The following TRHDE variants were observed in gnomAD, a reference collection of about 807,000 sequenced individuals.
The protein encoded by TRHDE is thyrotropin-releasing hormone-degrading ectoenzyme.
Under a neutral mutation model 125.7 loss-of-function variants are expected in TRHDE, and 72 were observed. The observed-to-expected ratio is 0.57, with a 90% CI of 0.47 to 0.70. The LOEUF (loss-of-function observed/expected upper bound fraction) is 0.70, where lower values mean the gene tolerates loss of function less well. TRHDE is among the 30% of genes least tolerant of loss of function. The pLI, the probability that TRHDE is intolerant of heterozygous loss-of-function variation, is 0.00. For synonymous variants in TRHDE, 509 were observed against 509.1 expected (o/e 1.00, Z 0.00); for missense variants, 1,110 against 1,327.1 (o/e 0.84, Z 2.54).
At chr12:72,207,500 A>C (rs1379584734) in intron 2 of TRHDE, among the ~76,000 whole-genome samples, 8 of 152,224 alleles carry the variant, frequency 5.3e-5, no homozygotes, top group Admixed American at 5.2e-4. Context: ...CCTAATAAAA[A>C]GGACAGCAAC....
intron 3 of TRHDE, among the ~76,000 whole-genome samples, chr12:72,418,260 A>C (rs997449639): frequency 2.6e-5 from 4 of 152,062 alleles, no homozygotes; most frequent in Non-Finnish European, 4.4e-5. Context: ...GGCAGAATGT[A>C]AGGTAAATAT....
At chr12:72,289,190 C>T (rs530337466) in intron 2 of TRHDE, among the ~76,000 whole-genome samples, 1 of 152,082 alleles carries the variant, frequency 6.6e-6, no homozygotes, top group Admixed American at 6.6e-5. Context: ...TCCAGGTGGT[C>T]ATTTCAGATC....
At chr12:72,224,106 C>G (rs965016881) in intron 2 of TRHDE, among the ~76,000 whole-genome samples, 1 of 45,100 alleles carries the variant, frequency 2.2e-5, no homozygotes, top group African/African-American at 8.7e-5. Context: ...ATCTATCTAT[C>G]TATCTATCTA....
intron 5 of TRHDE, among the ~76,000 whole-genome samples, chr12:72,479,365 G>A (rs1317460166): frequency 4.6e-5 from 7 of 152,086 alleles, no homozygotes; most frequent in Non-Finnish European, 8.8e-5. Flanking sequence ...ATAAAGATGT[G>A]TTAAGTTTCA....
chr12:72,445,785 A>T (rs1438207867), intron 3 of TRHDE, among the ~76,000 whole-genome samples: 2 of 151,990 alleles, frequency 1.3e-5, no homozygotes, highest in Non-Finnish European at 2.9e-5. Context: ...AAGCCTTTGA[A>T]TTAATTGCCA....
chr12:72,251,111 T>G (rs972785647), intron 2 of TRHDE, among the ~76,000 whole-genome samples: 1 of 151,882 alleles, frequency 6.6e-6, no homozygotes, highest in Non-Finnish European at 1.5e-5. Context: ...ACATTGATTA[T>G]GATCCATTTA....
chr12:72,630,246 C>T (rs1222454007), intron 15 of TRHDE, among the ~76,000 whole-genome samples: 3 of 151,440 alleles, frequency 2.0e-5, no homozygotes, highest in Non-Finnish European at 3.0e-5. Context: ...TAAAAAGTTA[C>T]GGATCTCAGT....
intron 3 of TRHDE, among the ~76,000 whole-genome samples, chr12:72,435,974 C>T (rs997457384): frequency 6.6e-6 from 1 of 151,842 alleles, no homozygotes; most frequent in Non-Finnish European, 1.5e-5. Flanking sequence ...CATATGTTCC[C>T]CCCGACCAAT....
intron 18 of TRHDE, among the ~76,000 whole-genome samples, chr12:72,659,021 C>G (rs746122217): frequency 2.0e-5 from 3 of 152,114 alleles, no homozygotes; most frequent in Admixed American, 6.6e-5. Context: ...ACCCATAAGC[C>G]TCATAAGCAG....
intron 2 of TRHDE, among the ~76,000 whole-genome samples, chr12:72,176,677 T>C (rs1383929910): frequency 1.3e-5 from 2 of 152,210 alleles, no homozygotes; most frequent in Non-Finnish European, 2.9e-5. Context: ...AATATAGCAA[T>C]TGAGTTGTTC....
At chr12:72,169,745 C>A (rs905236897) in intron 2 of TRHDE, among the ~76,000 whole-genome samples, 8 of 151,988 alleles carry the variant, frequency 5.3e-5, no homozygotes, top group Non-Finnish European at 8.8e-5. Flanking sequence ...CAAATACCCT[C>A]AGAAAAGGGC....
At chr12:72,589,547 T>C (rs1386850205) in intron 12 of TRHDE, among the ~76,000 whole-genome samples, 1 of 152,192 alleles carries the variant, frequency 6.6e-6, no homozygotes, top group Non-Finnish European at 1.5e-5. Flanking sequence ...TGATGCCATG[T>C]GAGCCTGAAA....
chr12:72,404,523 A>G (rs1873184426), intron 3 of TRHDE, among the ~76,000 whole-genome samples: 1 of 152,212 alleles, frequency 6.6e-6, no homozygotes, highest in South Asian at 2.1e-4. Flanking sequence ...ATTGACTCAC[A>G]GTTTCACATG....
At chr12:72,516,459 G>A (rs1878865342) in intron 6 of TRHDE, among the ~76,000 whole-genome samples, 1 of 151,946 alleles carries the variant, frequency 6.6e-6, no homozygotes, top group Admixed American at 6.6e-5. Context: ...TGTTATTGGT[G>A]TATAAGAATG....
chr12:72,090,318 C>T (rs1301914862), intron 1 of TRHDE, among the ~76,000 whole-genome samples: 1 of 152,028 alleles, frequency 6.6e-6, no homozygotes, highest in East Asian at 1.9e-4. Flanking sequence ...TTTTATTAAT[C>T]TTTTGGCACT....
intron 2 of TRHDE, among the ~76,000 whole-genome samples, chr12:72,317,246 C>G (rs192004854): frequency 3.9e-5 from 6 of 152,124 alleles, no homozygotes; most frequent in African/African-American, 1.4e-4. Flanking sequence ...TAAAGATGAC[C>G]AAGGTTTAAT....
At chr12:72,564,653 ATTTTTTTTTTTTTTTTTT>A (rs538823843) in intron 9 of TRHDE, among the ~76,000 whole-genome samples, 2 of 54,276 alleles carry the variant, frequency 3.7e-5, no homozygotes, top group East Asian at 6.2e-4. Context: ...ATGCGTATGA[ATTTTTTTTTTTTTTTTTT>A]TTTTTTTTTT....
intron 2 of TRHDE, among the ~76,000 whole-genome samples, chr12:72,357,178 A>G (rs1261988104): frequency 1.3e-5 from 2 of 151,598 alleles, no homozygotes; most frequent in African/African-American, 2.4e-5. Flanking sequence ...GAACTAGAAA[A>G]TATTATTTTA....
intron 2 of TRHDE, among the ~76,000 whole-genome samples, chr12:72,327,027 T>C (rs184956090): frequency 1.3e-5 from 2 of 152,310 alleles, no homozygotes; most frequent in Non-Finnish European, 2.9e-5. Context: ...AGCATACATT[T>C]TTGCAGTTTG....
Sources: allele counts gnomAD v4.1 joint callset (sites outside exome capture counted in the v4.1 genomes callset), GRCh38; gene constraint gnomAD v4.1.1; transcripts MANE v1.5; gene names NCBI Gene and HGNC (gene_info 2026-07-23, HGNC 2026-07-21).